Variants in SPIRE1 observed in about 807,000 individuals in gnomAD.
The protein encoded by SPIRE1 is spire type actin nucleation factor 1, also known as protein spire homolog 1.
Under a neutral mutation model 94.1 loss-of-function variants are expected in SPIRE1, and 40 were observed. That is an observed-to-expected ratio of 0.43 (90% CI 0.33 to 0.55). SPIRE1 has a LOEUF of 0.55. Ranked by LOEUF, SPIRE1 falls within the 20% of genes least tolerant of loss-of-function variation. SPIRE1 has a pLI of 0.06. For synonymous variants in SPIRE1, 376 were observed against 371.7 expected (o/e 1.01, Z -0.13); for missense variants, 838 against 975.2 (o/e 0.86, Z 1.87).
chr18:12,540,964 G>A lies in SPIRE1; in HGVS notation c.604-5363C>T, dbSNP rs538526153. On this transcript the variant is annotated intron_variant, in intron 3 of 16. Coordinates refer to ENST00000409402, the MANE Select transcript of SPIRE1 (RefSeq NM_001128626.2). ...AGCATATTTGCTCTCAGCCTCAAGC[G>A]ATCTACCTGCCTTGGCCTCCCAAAG... 2.1e-4 allele frequency among the ~76,000 whole-genome samples: 32 copies of A among 152,294 alleles called. No individual in the cohort carries two copies. In the South Asian group the frequency reaches 6.0e-3, roughly 29 times the overall value.
intron 1 of SPIRE1, chr18:12,656,787 A>G (rs1002610273): frequency 1.8e-6 from 1 of 561,510 alleles, no homozygotes; most frequent in South Asian, 7.8e-5. Context: ...TTTACATTAG[A>G]CAATGACGTA....
intron 10 of SPIRE1, among the ~76,000 whole-genome samples, chr18:12,478,166 G>A (rs906126051): frequency 6.6e-6 from 1 of 151,970 alleles, no homozygotes; most frequent in African/African-American, 2.4e-5. Context: ...GAGAATTAAA[G>A]AATAATTCCT....
At chr18:12,498,339 TTAAA>T (rs1257166722) in intron 6 of SPIRE1, among the ~76,000 whole-genome samples, 1 of 152,216 alleles carries the variant, frequency 6.6e-6, no homozygotes, top group African/African-American at 2.4e-5. Flanking sequence ...TAGTAGATGC[TTAAA>T]TAAATAAGAT....
chr18:12,597,210 G>T (rs1456654382), intron 2 of SPIRE1, among the ~76,000 whole-genome samples: 1 of 126,570 alleles, frequency 7.9e-6, no homozygotes, highest in Non-Finnish European at 1.7e-5. Context: ...ACACACAGAG[G>T]GAGAGAGACA....
chr18:12,525,137 C>T (rs1386804951), intron 4 of SPIRE1, among the ~76,000 whole-genome samples: 2 of 151,122 alleles, frequency 1.3e-5, no homozygotes, highest in South Asian at 2.1e-4. Flanking sequence ...ATTAGCCGGG[C>T]GTGGTGGCGG....
rs1055967373 is a variant in SPIRE1 at position 12,643,318 on chromosome 18, T to C, written c.338-8222A>G. On this transcript the variant is annotated intron_variant, in intron 1 of 16. Transcript: ENST00000409402. Reference sequence around the variant, plus strand: ...TCACAAGCTCAAAAATACATAGACATATCACTAGATTTTAGGAATGAGAAC... The same window carrying C: ...TCACAAGCTCAAAAATACATAGACACATCACTAGATTTTAGGAATGAGAAC... Among the ~76,000 whole-genome samples the C allele has an allele frequency of 2.2e-4, 34 of 152,170 alleles. 1 individual carries two copies. Among genetic ancestry groups the C allele is most frequent in the Admixed American group, 2.2e-3 (34 of 15,268 alleles).
chr18:12,607,845 T>C (rs547410436), intron 2 of SPIRE1, among the ~76,000 whole-genome samples: 2 of 152,266 alleles, frequency 1.3e-5, no homozygotes, highest in East Asian at 3.9e-4. Flanking sequence ...ATTATCACAT[T>C]GCATGCCTGT....
At chr18:12,553,344 C>A (rs1261493309) in intron 2 of SPIRE1, among the ~76,000 whole-genome samples, 1 of 152,162 alleles carries the variant, frequency 6.6e-6, no homozygotes, top group Non-Finnish European at 1.5e-5. Context: ...GAGGGGAGCC[C>A]ACTGCCCTGA....
intron 2 of SPIRE1, among the ~76,000 whole-genome samples, chr18:12,561,618 T>C (rs1468030459): frequency 1.3e-5 from 2 of 152,194 alleles, no homozygotes; most frequent in South Asian, 2.1e-4. Flanking sequence ...CCTCACATCA[T>C]TTTATTACTA....
At chr18:12,450,221 TG>T (rs970772960) in intron 16 of SPIRE1, among the ~76,000 whole-genome samples, 18 of 147,374 alleles carry the variant, frequency 1.2e-4, no homozygotes, top group Non-Finnish European at 4.5e-5. Flanking sequence ...TAGCCAGGCA[TG>T]GTGGTGGGCC....
intron 2 of SPIRE1, among the ~76,000 whole-genome samples, chr18:12,589,795 T>C (rs2036481174): frequency 6.6e-6 from 1 of 152,172 alleles, no homozygotes; most frequent in Non-Finnish European, 1.5e-5. Context: ...CATTACTCAT[T>C]TTATCTATGT....
At chr18:12,606,122 C>T (rs2036968518) in intron 2 of SPIRE1, among the ~76,000 whole-genome samples, 1 of 152,008 alleles carries the variant, frequency 6.6e-6, no homozygotes, top group African/African-American at 2.4e-5. Context: ...TGTCCACCCA[C>T]CCCTGCCCAA....
chr18:12,627,881 T>G (rs1365100742), intron 2 of SPIRE1, among the ~76,000 whole-genome samples: 1 of 151,646 alleles, frequency 6.6e-6, no homozygotes, highest in Non-Finnish European at 1.5e-5. Flanking sequence ...GTTCATATCC[T>G]TTGCCCACTT....
chr18:12,564,835 A>C (rs1207720642), intron 2 of SPIRE1, among the ~76,000 whole-genome samples: 1 of 152,218 alleles, frequency 6.6e-6, no homozygotes, highest in Non-Finnish European at 1.5e-5. Context: ...ACCGAAGAGA[A>C]CTGAAAGCTC....
chr18:12,644,134 G>A (rs2038159488), intron 1 of SPIRE1, among the ~76,000 whole-genome samples: 1 of 147,060 alleles, frequency 6.8e-6, no homozygotes, highest in African/African-American at 2.5e-5. Context: ...AGGAGGCGGA[G>A]GTTGCAGTGA....
intron 1 of SPIRE1, chr18:12,636,219 A>T (rs562758549): frequency 2.0e-5 from 3 of 152,216 alleles, no homozygotes; most frequent in African/African-American, 7.2e-5. Flanking sequence ...ATTTCCCCAG[A>T]CTACACTTAG....
chr18:12,639,006 T>C (rs755378531), intron 1 of SPIRE1, among the ~76,000 whole-genome samples: 8 of 152,174 alleles, frequency 5.3e-5, no homozygotes, highest in Admixed American at 2.6e-4. Context: ...AAGAATGGAC[T>C]AATATATCTC....
chr18:12,631,326 A>T (rs1368374616), intron 2 of SPIRE1, among the ~76,000 whole-genome samples: 1 of 152,016 alleles, frequency 6.6e-6, no homozygotes. Flanking sequence ...AATGTTAATA[A>T]CATTTTATGG....
intron 2 of SPIRE1, among the ~76,000 whole-genome samples, chr18:12,594,744 G>A (rs1377135896): frequency 2.0e-5 from 3 of 152,072 alleles, no homozygotes; most frequent in African/African-American, 4.8e-5. Flanking sequence ...ACTTATACAC[G>A]TATTTTGTTT....
Sources: gnomAD v4.1 joint callset for allele counts (sites outside exome capture counted in the v4.1 genomes callset) on GRCh38, gnomAD v4.1.1 for gene constraint, MANE v1.5 for transcripts, NCBI Gene and HGNC (gene_info 2026-07-23, HGNC 2026-07-21) for gene names.